The following DNAH9 variants were observed in gnomAD, a reference collection of about 807,000 sequenced individuals.
The protein encoded by DNAH9 is DNAH9 variant protein.
A neutral mutation model predicts 471.6 loss-of-function variants in DNAH9; 345 were observed. The observed-to-expected ratio is 0.73, with a 90% CI of 0.67 to 0.80. DNAH9 has a LOEUF of 0.80. DNAH9 is among the 30% of genes least tolerant of loss of function. The probability of loss-of-function intolerance (pLI) is 0.00; values close to 1 mark genes in which losing one functional copy is unlikely to be tolerated. For synonymous variants in DNAH9, 2,093 were observed against 2,123.6 expected, an observed-to-expected ratio of 0.99 and a Z score of 0.40; for missense variants, 5,407 against 5,609.2, an observed-to-expected ratio of 0.96 and a Z score of 1.15.
Position 11,784,403 on chromosome 17 carries a change from C to T in DNAH9, c.7925C>T (p.Ala2642Val), listed in dbSNP as rs750150972. 8.7e-6 allele frequency: 14 copies of T among 1,614,160 alleles called. No individual in the cohort carries two copies. The highest frequency in any genetic ancestry group is 6.7e-5 in the East Asian group (3 of 44,872). Residue 2642 changes from alanine to valine, a missense_variant, in exon 41 of 69, where the codon GCG (alanine) becomes GTG (valine). Physicochemically the swap from Ala to Val is moderately conservative, Grantham distance 64. Around this residue, in one of 3 missense-constraint regions of DNAH9, gnomAD observed 4,636 missense variants for 4,900.3 expected, o/e 0.95. Coordinates refer to ENST00000262442, the MANE Select transcript of DNAH9 (RefSeq NM_001372.4). ...CATCTGAAGCTCGGAAACTTCCCGG[C>T]GTCCCTGCAGAAATCCATCCCCCCA... ...TQHLKLGNFP[A>V]SLQKSIPPLI...
At chr17:11,808,267 G>C (rs534087370) in intron 44 of DNAH9, among the ~76,000 whole-genome samples, 6 of 152,130 alleles carry the variant, frequency 3.9e-5, no homozygotes, top group African/African-American at 1.4e-4. Context: ...TTTAAAAGAC[G>C]GGTCAGTAAC....
intron 49 of DNAH9, among the ~76,000 whole-genome samples, chr17:11,851,885 C>T (rs1048634550): frequency 6.6e-6 from 1 of 152,134 alleles, no homozygotes; most frequent in Admixed American, 6.5e-5. Context: ...GTGGAAACAT[C>T]GACCGTGATA....
chr17:11,840,449 T>C (rs1262336221), intron 49 of DNAH9, among the ~76,000 whole-genome samples: 1 of 152,232 alleles, frequency 6.6e-6, no homozygotes, highest in Non-Finnish European at 1.5e-5. Context: ...CTTTTTTCAA[T>C]ACAATTTTCC....
intron 67 of DNAH9, among the ~76,000 whole-genome samples, chr17:11,956,912 AG>A (rs1395588297): frequency 6.6e-6 from 1 of 151,812 alleles, no homozygotes; most frequent in Non-Finnish European, 1.5e-5. Flanking sequence ...AACAAAATGA[AG>A]GAAATAATAA....
intron 28 of DNAH9, among the ~76,000 whole-genome samples, chr17:11,734,691 G>C (rs995894862): frequency 5.3e-5 from 8 of 152,214 alleles, no homozygotes; most frequent in African/African-American, 1.9e-4. Flanking sequence ...CTTTGTGAAG[G>C]CTTCCTGGAC....
rs199979366 is a variant in DNAH9, at chr17:11,781,844, C to CA, written c.7718+673dup. ...GAGACTCCATCTTAAAAAAAAAAAA[C>CA]AAACAAAAAAAAAACTACCAAACAC... On this transcript the variant is annotated intron_variant, in intron 39 of 68. Transcript: ENST00000262442. 7.0e-4 allele frequency among the ~76,000 whole-genome samples: 80 copies of CA among 114,296 alleles called. 3 individuals are homozygous for CA. Among genetic ancestry groups the CA allele is most frequent in the Non-Finnish European group, 9.2e-4 (52 of 56,684 alleles). The allele number at this position is 114,296 out of a possible 152,430, so 75.0% of individuals were successfully genotyped here.
intron 45 of DNAH9, among the ~76,000 whole-genome samples, chr17:11,821,531 G>T (rs373473032): frequency 5.3e-5 from 8 of 151,972 alleles, no homozygotes; most frequent in African/African-American, 1.9e-4. Flanking sequence ...TTTGCCGGGG[G>T]TCTTTTAGGT....
chr17:11,822,869 G>A lies in DNAH9; in HGVS notation c.9081G>A (p.Gln3027=), dbSNP rs1173243145. ...FVHTSVNQTS[Q]SYLSNEQRYN... is the part of the protein sequence containing the mutation. ...ACACAAGTGTCAACCAAACATCCCA[G>A]TCTTATCTGAGCAATGAACAGCGCT... The change falls in exon 48 of 69, where the codon CAG becomes CAA. Residue 3027 remains glutamine (Q), a synonymous_variant. Coordinates refer to ENST00000262442, the MANE Select transcript of DNAH9 (RefSeq NM_001372.4). 6.2e-7 allele frequency: 1 copy of A among 1,614,232 alleles called. No homozygotes were observed. The highest frequency in any genetic ancestry group is 1.7e-5 in the Admixed American group (1 of 60,018).
chr17:11,680,917 T>C, intron 19 of DNAH9, 28 bp downstream of exon 19: 2 of 1,583,254 alleles, frequency 1.3e-6, no homozygotes, highest in Non-Finnish European at 1.7e-6. Flanking sequence ...CTGCCTCTCT[T>C]TCTGTGAACA....
At chr17:11,832,262 T>C (rs1970707087) in intron 48 of DNAH9, among the ~76,000 whole-genome samples, 1 of 152,164 alleles carries the variant, frequency 6.6e-6, no homozygotes, top group African/African-American at 2.4e-5. Context: ...GAAGCTCCTA[T>C]TCACAGTGCT....
In DNAH9 at chr17:11,871,691, A is replaced by T. The variant is rs745809567; in HGVS notation, c.10147A>T (p.Ile3383Leu). ...ERTLCGDILLITAFISYLGFF... is the reference protein window; with the variant it reads ...ERTLCGDILLLTAFISYLGFF... ...GACGTTATGTGGAGACATTTTACTTATAACGGCTTTCATTTCCTACCTTGG... is the reference window on the plus strand; with the variant it reads ...GACGTTATGTGGAGACATTTTACTTTTAACGGCTTTCATTTCCTACCTTGG... Residue 3383 changes from isoleucine to leucine, a missense_variant, in exon 52 of 69, where the codon ATA (isoleucine) becomes TTA (leucine). By Grantham distance (5) the Ile-to-Leu change is conservative (BLOSUM62 2). Transcript: ENST00000262442. The T allele has an allele frequency of 6.2e-7, 1 of 1,614,254 alleles. No individual in the cohort carries two copies. The highest frequency in any genetic ancestry group is 1.7e-5 in the Admixed American group (1 of 60,022).
intron 48 of DNAH9, among the ~76,000 whole-genome samples, chr17:11,834,029 A>G (rs545691723): frequency 3.5e-4 from 53 of 152,336 alleles, no homozygotes; most frequent in African/African-American, 1.2e-3. Flanking sequence ...CTGTTTTGGC[A>G]TCAGGGAGAA....
Position 11,937,670 on chromosome 17 carries a change from T to A in DNAH9, c.12660+148T>A. 1.2e-6 allele frequency: 1 copy of A among 837,714 alleles called. No homozygotes were observed. The highest frequency in any genetic ancestry group is 1.7e-6 in the Non-Finnish European group (1 of 589,114). The allele number at this position is 837,714 out of a possible 1,614,324, so 51.9% of individuals were successfully genotyped here. A position where few individuals can be genotyped will look rare whatever the true frequency, so the allele number is the denominator to read the frequency against. On this transcript the variant is annotated intron_variant, in intron 66 of 68. Coordinates refer to ENST00000262442, the MANE Select transcript of DNAH9 (RefSeq NM_001372.4). This position sits in a 1 kb window ranked among gnomAD's most constrained non-coding sequence, Gnocchi z 4.1. ...CCTGCAGCCTGGAGATGCTTGCCTGTCACCGCCAAGAGCCTCTCCCCTCCC... is the reference window on the plus strand; with the variant it reads ...CCTGCAGCCTGGAGATGCTTGCCTGACACCGCCAAGAGCCTCTCCCCTCCC...
In DNAH9 at chr17:11,623,448, C is replaced by T. The variant is rs930752621; in HGVS notation, c.1350+3667C>T. Among the ~76,000 whole-genome samples, 1 of 152,032 alleles carries T rather than the reference C, an allele frequency of 6.6e-6. No homozygotes were observed. Among genetic ancestry groups the T allele is most frequent in the African/African-American group, 2.4e-5 (1 of 41,390 alleles). On this transcript the variant is annotated intron_variant, in intron 6 of 68. Transcript: ENST00000262442. This position sits in a 1 kb window ranked among gnomAD's most constrained non-coding sequence, Gnocchi z 4.1. Reference sequence around the variant, plus strand: ...ATCTTCCCACGGCTACTCCTTGCCCCTTTTCCTCATATTTCCTCCCCTCTT... The same window carrying T: ...ATCTTCCCACGGCTACTCCTTGCCCTTTTTCCTCATATTTCCTCCCCTCTT...
chr17:11,941,316 G>A (rs575931562), intron 66 of DNAH9, among the ~76,000 whole-genome samples: 121 of 152,218 alleles, frequency 7.9e-4, no homozygotes, highest in Admixed American at 1.6e-3. Context: ...GCTGGCGCTC[G>A]CTCACTCCCT....
At position 11,892,517 on chromosome 17, in the gene DNAH9, G is replaced by A. The variant is rs1973082280; in HGVS notation, c.11283+570G>A. On this transcript the variant is annotated intron_variant, in intron 58 of 68. Coordinates refer to ENST00000262442, the MANE Select transcript of DNAH9 (RefSeq NM_001372.4). The surrounding 1 kb of genome is among the most constrained non-coding windows in gnomAD (Gnocchi z 4.3). ...TTTAAGAAGAAACCTTTGTCTTCTA[G>A]TTATTCTCAACATCAAAAAACCATG... Among the ~76,000 whole-genome samples the A allele has an allele frequency of 6.6e-6, 1 of 152,104 alleles. No individual in the cohort carries two copies. Among genetic ancestry groups the A allele is most frequent in the Non-Finnish European group, 1.5e-5 (1 of 68,010 alleles).
At position 11,883,588 on chromosome 17, in the gene DNAH9, C is replaced by T. The variant is rs764482916; in HGVS notation, c.10809C>T (p.Ser3603=). The change falls in exon 56 of 69, where the codon TCC becomes TCT. Residue 3603 remains serine, a splice_region_variant and synonymous_variant. Transcript: ENST00000262442. The part of the protein sequence containing the change: ...MERPDLEQLK[S]DLTKQQNGFK... ...TGTCTCTTGCTTGATATTTGCAGTC[C>T]GATCTCACAAAGCAGCAGAATGGAT... The T allele has an allele frequency of 6.8e-6, 11 of 1,613,680 alleles. No homozygotes were observed. Among genetic ancestry groups the T allele is most frequent in the South Asian group, 5.5e-5 (5 of 91,004 alleles).
At chr17:11,882,836 C>T (rs1269140142) in intron 55 of DNAH9, 1 of 700,330 alleles carries the variant, frequency 1.4e-6, no homozygotes, top group Admixed American at 6.3e-5. Flanking sequence ...TGTAAAGCCT[C>T]TGGGCATAGA....
chr17:11,726,962 C>T (rs1037973565), intron 27 of DNAH9, among the ~76,000 whole-genome samples: 4 of 135,724 alleles, frequency 2.9e-5, no homozygotes, highest in Non-Finnish European at 3.0e-5. Context: ...GCAGGAGAAT[C>T]GCTTGAACCT....
Sources: gnomAD v4.1 joint callset for allele counts (sites outside exome capture counted in the v4.1 genomes callset) on GRCh38, gnomAD v4.1.1 for gene constraint, gnomAD v4.1.1 regional missense constraint, Gnocchi (gnomAD v3.1) non-coding constraint, MANE v1.5 for transcripts, NCBI Gene and HGNC (gene_info 2026-07-23, HGNC 2026-07-21) for gene names.